Variants in GABRR1 observed in about 807,000 individuals in gnomAD.
GABRR1 encodes gamma-aminobutyric acid receptor subunit rho-1.
GABRR1 carries 59 observed loss-of-function variants against 55.5 expected under a neutral mutation model. The ratio of observed to expected loss-of-function variants is 1.06; its 90% CI spans 0.86 to 1.32. The LOEUF is 1.32. Among genes scored for constraint, GABRR1 ranks in the 40% most tolerant of loss-of-function variants. The probability of loss-of-function intolerance (pLI) is 0.00; values close to 1 mark genes in which losing one functional copy is unlikely to be tolerated. For synonymous variants in GABRR1, 213 were observed against 226.0 expected (o/e 0.94, Z 0.51); for missense variants, 602 against 619.1 (o/e 0.97, Z 0.29).
chr6:89,180,310 T>C lies in GABRR1; in HGVS notation c.1128A>G (p.Glu376=). 6.2e-7 allele frequency: 1 copy of C among 1,613,412 alleles called. No homozygotes were observed. Among genetic ancestry groups the C allele is most frequent in the Non-Finnish European group, 8.5e-7 (1 of 1,179,726 alleles). ...NYLTTVQERK[E]QKLREKLPCT... is the part of the protein sequence containing the mutation. ...AAGTCACCTTCTCCCGCAGCTTCTG[T>C]TCCTTCCTCTCCTGCACAGTGGTCA... Residue 376 remains glutamate, a synonymous_variant, in exon 9 of 10, where the codon GAA becomes GAG. Coordinates refer to ENST00000454853, the MANE Select transcript of GABRR1 (RefSeq NM_002042.5).
intron 2 of GABRR1, among the ~76,000 whole-genome samples, chr6:89,201,542 G>A (rs1469415167): frequency 1.3e-5 from 2 of 152,230 alleles, no homozygotes; most frequent in South Asian, 4.1e-4. Context: ...AACTTTGGGA[G>A]TCCGAGGCGG....
rs548851176 is a variant in GABRR1 at position 89,223,295 on chromosome 6, C to A, written c.-410-1849G>T. Among the ~76,000 whole-genome samples the A allele has an allele frequency of 2.0e-5, 3 of 152,282 alleles. 1 individual carries two copies. The South Asian group carries it at 6.2e-4, about 32-fold the overall frequency. On this transcript the variant is annotated intron_variant, in intron 1 of 11. Transcript: ENST00000369451. ...GCTCCCACTTATGAGTGAGGACATACAATGTTTGGTTTTCCATTCCTGAGT... is the reference window on the plus strand; with the variant it reads ...GCTCCCACTTATGAGTGAGGACATAAAATGTTTGGTTTTCCATTCCTGAGT...
At chr6:89,208,902 G>A (rs1174749239) in intron 1 of GABRR1, among the ~76,000 whole-genome samples, 3 of 152,224 alleles carry the variant, frequency 2.0e-5, no homozygotes, top group Non-Finnish European at 2.9e-5. Flanking sequence ...AGGGCTGCCA[G>A]GGCTGTCTAG....
At chr6:89,220,684 G>C (rs1773100849), upstream of GABRR1, among the ~76,000 whole-genome samples, 1 of 152,120 alleles carries the variant, frequency 6.6e-6, no homozygotes, top group African/African-American at 2.4e-5. Flanking sequence ...GATCCAGACT[G>C]ACTTACTGAA....
At chr6:89,196,876 A>AAAGAAAAGAG (rs1554190903) in intron 5 of GABRR1, among the ~76,000 whole-genome samples, 1 of 101,876 alleles carries the variant, frequency 9.8e-6, no homozygotes, top group Admixed American at 1.2e-4. Context: ...AGAAAGAAAG[A>AAAGAAAAGAG]AAGAGAAGAG....
chr6:89,203,278 C>G (rs1036744753), intron 2 of GABRR1, among the ~76,000 whole-genome samples, 157 bp downstream of exon 2: 4 of 152,188 alleles, frequency 2.6e-5, no homozygotes, highest in African/African-American at 9.7e-5. Context: ...CCACCCCTGA[C>G]TGCCGTCTCC....
At chr6:89,211,244 C>T (rs1772825608) in intron 1 of GABRR1, among the ~76,000 whole-genome samples, 1 of 152,134 alleles carries the variant, frequency 6.6e-6, no homozygotes, top group African/African-American at 2.4e-5. Context: ...GAGATCCAGT[C>T]CATAATCCCA....
At chr6:89,200,162 T>A (rs781676940) in intron 3 of GABRR1, among the ~76,000 whole-genome samples, 3 of 151,382 alleles carry the variant, frequency 2.0e-5, no homozygotes, top group Non-Finnish European at 4.4e-5. Flanking sequence ...GCATAGAGAC[T>A]CTCTTCTACA....
chr6:89,197,824 T>C (rs1772348651), intron 5 of GABRR1, among the ~76,000 whole-genome samples, 196 bp downstream of exon 5: 1 of 152,194 alleles, frequency 6.6e-6, no homozygotes, highest in African/African-American at 2.4e-5. Flanking sequence ...GTTTGAGAAA[T>C]TGCCCCAAAG....
chr6:89,229,683 G>C (rs2127813940), intron 1 of GABRR1, among the ~76,000 whole-genome samples: 1 of 86,886 alleles, frequency 1.2e-5, no homozygotes, highest in African/African-American at 4.2e-5. Flanking sequence ...TTTCTCTCTG[G>C]CTGCCCTTAA....
At chr6:89,201,778 C>CAAA (rs56035443) in intron 2 of GABRR1, among the ~76,000 whole-genome samples, 3 of 134,420 alleles carry the variant, frequency 2.2e-5, no homozygotes, top group African/African-American at 8.4e-5. Flanking sequence ...GACCCCGTCT[C>CAAA]AAAAAAAAAA....
At chr6:89,183,503 A>AGC (rs60839074) in intron 7 of GABRR1, among the ~76,000 whole-genome samples, 100,309 of 151,618 alleles carry the variant, frequency 0.66, 33,544 homozygotes, top group Middle Eastern at 0.74. Flanking sequence ...CGCAAGTTTT[A>AGC]CATAGAAACT....
intron 1 of GABRR1, among the ~76,000 whole-genome samples, chr6:89,216,107 C>A (rs1374549545): frequency 6.6e-6 from 1 of 152,174 alleles, no homozygotes; most frequent in Admixed American, 6.6e-5. Flanking sequence ...CCAGGGCTCA[C>A]CATGACCACT....
At chr6:89,188,032 T>G (rs964185122) in intron 6 of GABRR1, among the ~76,000 whole-genome samples, 1 of 151,990 alleles carries the variant, frequency 6.6e-6, no homozygotes, top group African/African-American at 2.4e-5. Context: ...TTTTTTTTTT[T>G]AGACATGGGG....
intron 5 of GABRR1, among the ~76,000 whole-genome samples, chr6:89,190,500 G>A (rs1283321051): frequency 6.6e-6 from 1 of 152,138 alleles, no homozygotes; most frequent in Non-Finnish European, 1.5e-5. Context: ...TCACATTCAA[G>A]CATTTTAAAG....
At position 89,178,826 on chromosome 6, in the gene GABRR1, T is replaced by C; in HGVS notation, c.1384A>G (p.Ile462Val). The change falls in exon 10 of 10, where the codon ATC becomes GTC. Residue 462 changes from isoleucine to valine, a missense_variant. By Grantham distance (29) the Ile-to-Val change is conservative. Around this residue, in one of 3 missense-constraint regions of GABRR1, gnomAD observed 139 missense variants for 141.1 expected, o/e 0.99. Coordinates refer to ENST00000454853, the MANE Select transcript of GABRR1 (RefSeq NM_002042.5). ...AATAAAATGTATGCTGCTGGAAAGA[T>C]GATCCTGGAGTATTTATCAATGGCG... is the stretch of plus-strand genomic sequence containing the variant. ...THAIDKYSRIIFPAAYILFNL... is the reference protein window; with the variant it reads ...THAIDKYSRIVFPAAYILFNL... The C allele has an allele frequency of 1.2e-6, 2 of 1,614,190 alleles. No homozygotes were observed. Among genetic ancestry groups the C allele is most frequent in the Middle Eastern group, 1.6e-4 (1 of 6,062 alleles).
intron 6 of GABRR1, among the ~76,000 whole-genome samples, chr6:89,186,292 T>G (rs1246621676): frequency 6.6e-6 from 1 of 152,234 alleles, no homozygotes; most frequent in Non-Finnish European, 1.5e-5. Context: ...TGTAAAAGTG[T>G]TTTGTAGATG....
intron 5 of GABRR1, among the ~76,000 whole-genome samples, chr6:89,191,309 CT>C (rs1384131509): frequency 1.3e-5 from 2 of 152,112 alleles, no homozygotes; most frequent in Non-Finnish European, 2.9e-5. Flanking sequence ...GGGGGTCAGG[CT>C]GGCAGCTGAC....
intron 5 of GABRR1, among the ~76,000 whole-genome samples, chr6:89,197,039 C>T (rs1772318817): frequency 6.6e-6 from 1 of 152,076 alleles, no homozygotes; most frequent in Non-Finnish European, 1.5e-5. Flanking sequence ...AGATGAAAAC[C>T]CCATAACCCC....
Sources: allele counts gnomAD v4.1 joint callset (sites outside exome capture counted in the v4.1 genomes callset), GRCh38; gene constraint gnomAD v4.1.1; regional missense constraint gnomAD v4.1.1; transcripts MANE v1.5; gene names NCBI Gene and HGNC (gene_info 2026-07-23, HGNC 2026-07-21).